Variants in CILP2 observed in about 807,000 individuals in gnomAD.
CILP2 encodes cartilage intermediate layer protein 2, also known as CILP-2.
Under a neutral mutation model 45.6 loss-of-function variants are expected in CILP2, and 38 were observed. The observed-to-expected ratio is 0.83, with a 90% CI of 0.64 to 1.09. CILP2 has a LOEUF of 1.09. Among genes scored for constraint, CILP2 ranks in the 50% least tolerant of loss-of-function variants. The pLI is 0.00. For missense variants in CILP2, 1,735 were observed against 1,662.2 expected, an observed-to-expected ratio of 1.04 and a Z score of -0.76; for synonymous variants, 780 against 723.5, an observed-to-expected ratio of 1.08 and a Z score of -1.25.
Position 19,544,670 on chromosome 19 carries a change from C to T in CILP2, c.2125C>T (p.Arg709Trp). The T allele has an allele frequency of 2.6e-6, 4 of 1,563,514 alleles. No individual in the cohort carries two copies. The highest frequency in any genetic ancestry group is 2.3e-5 in the South Asian group (2 of 85,130). Reference sequence around the variant, plus strand: ...GGGGTCCTCGGGCCCCCGGGTGCGCCGGGAGGAGCGCGTCTTCCTGGTGGG... The same window carrying T: ...GGGGTCCTCGGGCCCCCGGGTGCGCTGGGAGGAGCGCGTCTTCCTGGTGGG... ...REGSSGPRVRREERVFLVGNV... is the reference protein window; with the variant it reads ...REGSSGPRVRWEERVFLVGNV... The change falls in exon 8 of 8, where the codon CGG becomes TGG. Residue 709 changes from arginine to tryptophan, a missense_variant. Transcript: ENST00000291495.
chr19:19,540,211 C>G lies in CILP2; in HGVS notation c.171C>G (p.Ser57Arg). Residue 57 changes from serine (S) to arginine (R), a missense_variant, in exon 3 of 8, where the codon AGC becomes AGG. By Grantham distance (110) the Ser-to-Arg change is moderately radical. Transcript: ENST00000291495. The part of the protein sequence containing the change: ...SPALEDWEEA[S>R]EWTSWFNVDH... ...CGCGTGCGGTGCCCGCAGAGGCCAG[C>G]GAGTGGACGTCCTGGTTCAACGTGG... 1 of 1,589,554 alleles carries G rather than the reference C, an allele frequency of 6.3e-7. No individual in the cohort carries two copies. Among genetic ancestry groups the G allele is most frequent in the South Asian group, 1.1e-5 (1 of 89,302 alleles).
chr19:19,544,815 G>C lies in CILP2; in HGVS notation c.2270G>C (p.Gly757Ala), dbSNP rs749708663. 1.2e-6 allele frequency: 2 copies of C among 1,603,882 alleles called. No individual in the cohort carries two copies. Among genetic ancestry groups the C allele is most frequent in the South Asian group, 2.2e-5 (2 of 91,062 alleles). The part of the protein sequence containing the change: ...DKFTPSEQVE[G>A]VVVTLVNLEP... Reference sequence around the variant, plus strand: ...TTCACCCCCAGCGAGCAGGTGGAGGGCGTGGTGGTCACGCTGGTCAATCTG... The same window carrying C: ...TTCACCCCCAGCGAGCAGGTGGAGGCCGTGGTGGTCACGCTGGTCAATCTG... The change falls in exon 8 of 8, where the codon GGC (glycine) becomes GCC (alanine). Residue 757 changes from glycine to alanine, a missense_variant. Physicochemically the swap from Gly to Ala is moderately conservative, Grantham distance 60 (BLOSUM62 0). Coordinates refer to ENST00000291495, the MANE Select transcript of CILP2 (RefSeq NM_153221.2).
In CILP2 at chr19:19,544,531, C is replaced by T. The variant is rs755087136; in HGVS notation, c.1986C>T (p.Ala662=). ...AGCAGCTGCAGGTGGGGCCGGTGGC[C>T]GTGCGGGTGGCCGCCAGCCAGATCC... is the stretch of plus-strand genomic sequence containing the variant. The part of the protein sequence containing the change: ...SAEQLQVGPV[A]VRVAASQIHM... Residue 662 remains alanine (A), a synonymous_variant, in exon 8 of 8, where the codon GCC becomes GCT. Coordinates refer to ENST00000291495, the MANE Select transcript of CILP2 (RefSeq NM_153221.2). 4.4e-6 allele frequency: 7 copies of T among 1,588,414 alleles called. No homozygotes were observed. The highest frequency in any genetic ancestry group is 3.4e-5 in the South Asian group (3 of 89,370).
Position 19,541,206 on chromosome 19 carries a change from T to C in CILP2, c.552T>C (p.Arg184=). 1 of 1,278,418 alleles carries C rather than the reference T, an allele frequency of 7.8e-7. No individual in the cohort carries two copies. Among genetic ancestry groups the C allele is most frequent in the East Asian group, 2.9e-5 (1 of 34,140 alleles). 79.2% of individuals were successfully genotyped at this position (1,278,418 alleles called of 1,614,324 possible). ...CCGCTGGGGATGCGTGTCCCGGGCG[T>C]CCTCTGGAGGCGCAGAAGTGCGTGC... The part of the protein sequence containing the change: ...PSPAGDACPG[R]PLEAQKCVRP... Residue 184 remains arginine (R), a synonymous_variant, in exon 4 of 8, where the codon CGT becomes CGC. Transcript: ENST00000291495.
At chr19:19,541,487 G>A (rs1445316775) in intron 4 of CILP2, among the ~76,000 whole-genome samples, 1 of 152,196 alleles carries the variant, frequency 6.6e-6, no homozygotes, top group Non-Finnish European at 1.5e-5. Flanking sequence ...CTGGAGCCAG[G>A]TGGAGACCAG....
At chr19:19,538,985 C>A (rs1053651128) in intron 1 of CILP2, among the ~76,000 whole-genome samples, 1 of 152,200 alleles carries the variant, frequency 6.6e-6, no homozygotes, top group Admixed American at 6.5e-5. Flanking sequence ...TTCCAGCAGG[C>A]CAAGTGGATG....
At chr19:19,540,633 CA>C in intron 3 of CILP2, 157 bp downstream of exon 3, 1 of 870,614 alleles carries the variant, frequency 1.1e-6, no homozygotes. Flanking sequence ...AGGACGACGT[CA>C]GGGGGCGGGG....
In CILP2 at chr19:19,544,608, C is replaced by A; in HGVS notation, c.2063C>A (p.Thr688Asn). The A allele has an allele frequency of 6.3e-7, 1 of 1,577,560 alleles. No individual in the cohort carries two copies. Among genetic ancestry groups the A allele is most frequent in the Non-Finnish European group, 8.6e-7 (1 of 1,167,890 alleles). ...ALKLWSLNPETGLWEEESGFR... is the reference protein window; with the variant it reads ...ALKLWSLNPENGLWEEESGFR... The stretch of plus-strand genomic sequence containing the variant: ...AAGCTGTGGTCGCTGAACCCCGAGA[C>A]CGGCTTGTGGGAGGAGGAGAGCGGC... The change falls in exon 8 of 8, where the codon ACC (threonine) becomes AAC (asparagine). Residue 688 changes from threonine (T) to asparagine (N), a missense_variant. Coordinates refer to ENST00000291495, the MANE Select transcript of CILP2 (RefSeq NM_153221.2).
In CILP2 at chr19:19,546,241, G is replaced by A; in HGVS notation, c.*225G>A. The A allele has an allele frequency of 2.5e-6, 1 of 400,920 alleles. No homozygotes were observed. 24.8% of individuals were successfully genotyped at this position (400,920 alleles called of 1,614,324 possible). A position where few individuals can be genotyped will look rare whatever the true frequency, so the allele number is the denominator to read the frequency against. ...ATGGAATGGAGTTTGCGGTGACTCT[G>A]GGGCCAGCACCCAGGGGACGACGTT... is the stretch of plus-strand genomic sequence containing the variant. On this transcript the variant is annotated 3_prime_UTR_variant, in exon 8 of 8. Coordinates refer to ENST00000291495, the MANE Select transcript of CILP2 (RefSeq NM_153221.2).
At position 19,542,987 on chromosome 19, in the gene CILP2, C is replaced by T. The variant is rs748735232; in HGVS notation, c.977+15C>T. 9.6e-5 allele frequency: 147 copies of T among 1,532,620 alleles called. No individual in the cohort carries two copies. The highest frequency in any genetic ancestry group is 1.7e-4 in the Middle Eastern group (1 of 5,874). 94.9% of individuals were successfully genotyped at this position (1,532,620 alleles called of 1,614,324 possible). A position where few individuals can be genotyped will look rare whatever the true frequency, so the allele number is the denominator to read the frequency against. ...AAATACTCCTGGTGAGCGCCCGCCC[C>T]GGGCTCAGGGGCATCTTCTGTGGCT... On this transcript the variant is annotated intron_variant, in intron 6 of 7. Coordinates refer to ENST00000291495, the MANE Select transcript of CILP2 (RefSeq NM_153221.2).
chr19:19,540,262 C>A lies in CILP2; in HGVS notation c.222C>A (p.Phe74Leu). The A allele has an allele frequency of 6.2e-7, 1 of 1,603,146 alleles. No individual in the cohort carries two copies. Among genetic ancestry groups the A allele is most frequent in the African/African-American group, 1.3e-5 (1 of 74,522 alleles). The part of the protein sequence containing the change: ...NVDHPGGDGD[F>L]ESLAAIRFYY... ...ACCACCCCGGAGGCGACGGCGACTT[C>A]GAGAGCCTGGCTGCCATCCGCTTCT... Residue 74 changes from phenylalanine (F) to leucine (L), a missense_variant, in exon 3 of 8, where the codon TTC becomes TTA. Coordinates refer to ENST00000291495, the MANE Select transcript of CILP2 (RefSeq NM_153221.2).
Position 19,544,802 on chromosome 19 carries a change from G to A in CILP2, c.2257G>A (p.Glu753Lys), listed in dbSNP as rs780687014. Residue 753 changes from glutamate (E) to lysine (K), a missense_variant, in exon 8 of 8, where the codon GAG becomes AAG. Glu to Lys is a moderately conservative substitution (Grantham distance 56). Coordinates refer to ENST00000291495, the MANE Select transcript of CILP2 (RefSeq NM_153221.2). Reference sequence around the variant, plus strand: ...CGCCAACGACAAGTTCACCCCCAGCGAGCAGGTGGAGGGCGTGGTGGTCAC... The same window carrying A: ...CGCCAACGACAAGTTCACCCCCAGCAAGCAGGTGGAGGGCGTGGTGGTCAC... ...AYANDKFTPS[E>K]QVEGVVVTLV... 1 of 1,605,090 alleles carries A rather than the reference G, an allele frequency of 6.2e-7. No individual in the cohort carries two copies. The highest frequency in any genetic ancestry group is 1.7e-5 in the Admixed American group (1 of 59,980).
Position 19,543,290 on chromosome 19 carries a change from CG to C in CILP2, c.1024del (p.Ala342ProfsTer52). 6.2e-7 allele frequency: 1 copy of C among 1,613,756 alleles called. No homozygotes were observed. Among genetic ancestry groups the C allele is most frequent in the Non-Finnish European group, 8.5e-7 (1 of 1,179,992 alleles). ...TLLDRRAHGYGAHLELRGLRP... is the reference protein window; with the variant it reads ...TLLDRRAHGYXAHLELRGLRP... Reference sequence around the variant, plus strand: ...TGCTGGACAGGCGAGCTCATGGGTACGGGGCCCACCTGGAGCTGCGGGGACT... The same window carrying C: ...TGCTGGACAGGCGAGCTCATGGGTACGGGCCCACCTGGAGCTGCGGGGACT... On this transcript the variant is annotated frameshift_variant, in exon 7 of 8. Coordinates refer to ENST00000291495, the MANE Select transcript of CILP2 (RefSeq NM_153221.2). LOFTEE classifies it high-confidence loss of function.
In CILP2 at chr19:19,545,339, A is replaced by G; in HGVS notation, c.2794A>G (p.Asn932Asp). Reference sequence around the variant, plus strand: ...TGGCGATCTCCTGGCCTGGTGGCCCAACCCGCAGGAGTTCCGGGCCTGCTT... The same window carrying G: ...TGGCGATCTCCTGGCCTGGTGGCCCGACCCGCAGGAGTTCCGGGCCTGCTT... ...WTGDLLAWWPNPQEFRACFLK... is the reference protein window; with the variant it reads ...WTGDLLAWWPDPQEFRACFLK... Residue 932 changes from asparagine (N) to aspartate (D), a missense_variant, in exon 8 of 8, where the codon AAC (asparagine) becomes GAC (aspartate). Asn to Asp is a conservative substitution (Grantham distance 23). Coordinates refer to ENST00000291495, the MANE Select transcript of CILP2 (RefSeq NM_153221.2). The G allele has an allele frequency of 6.2e-7, 1 of 1,612,460 alleles. No individual in the cohort carries two copies. The highest frequency in any genetic ancestry group is 8.5e-7 in the Non-Finnish European group (1 of 1,179,792).
At position 19,543,819 on chromosome 19, in the gene CILP2, G is replaced by C. The variant is rs1455896322; in HGVS notation, c.1274G>C (p.Gly425Ala). 1.2e-6 allele frequency: 2 copies of C among 1,613,692 alleles called. No homozygotes were observed. The highest frequency in any genetic ancestry group is 1.7e-5 in the Admixed American group (1 of 59,994). ...GACACCCGCTGCCCCAGCCTGGCAG[G>C]CTCCAGCCCCCGCTGCGGGGACGCC... Reference protein sequence around the residue: ...CPDTRCPSLAGSSPRCGDASS... With the variant: ...CPDTRCPSLAASSPRCGDASS... Residue 425 changes from glycine to alanine, a missense_variant, in exon 8 of 8, where the codon GGC (glycine) becomes GCC (alanine). Coordinates refer to ENST00000291495, the MANE Select transcript of CILP2 (RefSeq NM_153221.2).
intron 3 of CILP2, chr19:19,540,843 A>T: frequency 2.4e-6 from 1 of 416,658 alleles, no homozygotes; most frequent in Non-Finnish European, 4.2e-6. Context: ...TGCAGGGAGA[A>T]AAGCAGGACT....
intron 1 of CILP2, 99 bp from the exon 2 acceptor site, chr19:19,539,580 A>AAAG (rs61235376): frequency 9.1e-4 from 506 of 554,556 alleles, no homozygotes; most frequent in East Asian, 7.5e-3. Context: ...AAAAAAAAAA[A>AAAG]GGGGGGGGAT....
rs753667666 is a variant in CILP2 at position 19,540,464 on chromosome 19, C to A, written c.424C>A (p.Arg142Ser). ...RRCSNYHVRFRCPLEASWGAW... is the reference protein window; with the variant it reads ...RRCSNYHVRFSCPLEASWGAW... ...CTGCTCCAACTACCACGTGCGCTTCCGCTGCCCACTAGGTGAGGGCGGGGC... is the reference window on the plus strand; with the variant it reads ...CTGCTCCAACTACCACGTGCGCTTCAGCTGCCCACTAGGTGAGGGCGGGGC... Residue 142 changes from arginine (R) to serine (S), a missense_variant, in exon 3 of 8, where the codon CGC becomes AGC. Coordinates refer to ENST00000291495, the MANE Select transcript of CILP2 (RefSeq NM_153221.2). 3.6e-6 allele frequency: 5 copies of A among 1,400,016 alleles called. No individual in the cohort carries two copies. The highest frequency in any genetic ancestry group is 1.4e-5 in the South Asian group (1 of 68,992). 86.7% of individuals were successfully genotyped at this position (1,400,016 alleles called of 1,614,324 possible). A position where few individuals can be genotyped will look rare whatever the true frequency, so the allele number is the denominator to read the frequency against.
At position 19,542,419 on chromosome 19, in the gene CILP2, G is replaced by T; in HGVS notation, c.637G>T (p.Gly213Cys). The stretch of plus-strand genomic sequence containing the variant: ...TGAATGCCCGGACCACATCCTCCTG[G>T]GCTCGGTGGTCACCCCATCTGGGCA... ...TCECPDHILL[G>C]SVVTPSGQPL... The change falls in exon 5 of 8, where the codon GGC becomes TGC. Residue 213 changes from glycine to cysteine, a missense_variant. Transcript: ENST00000291495. 6.2e-7 allele frequency: 1 copy of T among 1,612,198 alleles called. No homozygotes were observed. The highest frequency in any genetic ancestry group is 8.5e-7 in the Non-Finnish European group (1 of 1,179,942).
Sources: allele counts gnomAD v4.1 joint callset (sites outside exome capture counted in the v4.1 genomes callset), GRCh38; gene constraint gnomAD v4.1.1; transcripts MANE v1.5; gene names NCBI Gene and HGNC (gene_info 2026-07-23, HGNC 2026-07-21).